DNHD1: variants seen among roughly 807,000 people sequenced by gnomAD.
The protein encoded by DNHD1 is dynein heavy chain domain 1, also known as dynein heavy chain domain-containing protein 1.
DNHD1 carries 383 observed loss-of-function variants against 458.1 expected under a neutral mutation model. The observed-to-expected ratio is 0.84, with a 90% CI of 0.77 to 0.91. The LOEUF (loss-of-function observed/expected upper bound fraction) is 0.91, where lower values mean the gene tolerates loss of function less well. Ranked by LOEUF, DNHD1 falls within the 40% of genes least tolerant of loss-of-function variation. The pLI, the probability that DNHD1 is intolerant of heterozygous loss-of-function variation, is 0.00. For synonymous variants in DNHD1, 2,203 were observed against 2,376.9 expected (o/e 0.93, Z 2.13); for missense variants, 5,336 against 5,866.1 (o/e 0.91, Z 2.95).
chr11:6,570,301 T>C lies in DNHD1; in HGVS notation c.13010T>C (p.Ile4337Thr), dbSNP rs757326497. The C allele has an allele frequency of 1.5e-5, 25 of 1,613,530 alleles. No homozygotes were observed. The African/African-American group carries it at 3.1e-4, about 20-fold the overall frequency. The change falls in exon 41 of 43, where the codon ATT (isoleucine) becomes ACT (threonine). Residue 4337 changes from isoleucine (I) to threonine (T), a missense_variant. Physicochemically the swap from Ile to Thr is moderately conservative, Grantham distance 89. Transcript: ENST00000254579. ...GACACTGAGGACAGGGAGGCCCTGA[T>C]TAGCCTCACACAAGCCTGCCTGAGC... Reference protein sequence around the residue: ...LGDTEDREALISLTQACLSPS... With the variant: ...LGDTEDREALTSLTQACLSPS...
chr11:6,537,658 C>A (rs1852984440), intron 14 of DNHD1, among the ~76,000 whole-genome samples: 1 of 152,128 alleles, frequency 6.6e-6, no homozygotes. Flanking sequence ...TCTGGCTAGG[C>A]GCAATGGCTC....
At chr11:6,566,841 T>C (rs1015665643) in intron 35 of DNHD1, 54 bp from the exon 36 acceptor site, 3 of 1,599,668 alleles carry the variant, frequency 1.9e-6, no homozygotes, top group African/African-American at 2.7e-5. Context: ...TGAATGTAGA[T>C]GTTTGGGGTC....
intron 7 of DNHD1, 137 bp downstream of exon 7, chr11:6,511,566 C>A: frequency 1.8e-6 from 2 of 1,141,198 alleles, no homozygotes; most frequent in East Asian, 2.4e-5. Context: ...CATTTTCCTG[C>A]CCAGCAACAG....
intron 3 of DNHD1, among the ~76,000 whole-genome samples, chr11:6,499,523 G>A (rs935460169): frequency 3.9e-5 from 6 of 152,012 alleles, no homozygotes; most frequent in Non-Finnish European, 8.8e-5. Context: ...GCCAGTGTGG[G>A]CACTCTGGCC....
chr11:6,555,835 C>A (rs1853451864), intron 24 of DNHD1, among the ~76,000 whole-genome samples: 2 of 152,130 alleles, frequency 1.3e-5, no homozygotes, highest in Admixed American at 1.3e-4. Context: ...GCATGAGGAA[C>A]TTTCTAGGGT....
Position 6,570,991 on chromosome 11 carries a change from C to T in DNHD1, c.13479C>T (p.Ser4493=). 4 of 1,601,794 alleles carry T rather than the reference C, an allele frequency of 2.5e-6. No individual in the cohort carries two copies. Among genetic ancestry groups the T allele is most frequent in the Non-Finnish European group, 2.6e-6 (3 of 1,171,104 alleles). ...TAGAGACCGAGGCTCTAGAACTGAG[C>T]CAGTTGGTGGGCACGCTACAACGCG... ...GVLETEALEL[S]QLVGTLQRDL... is the part of the protein sequence containing the mutation. Residue 4493 remains serine (S), a synonymous_variant, in exon 42 of 43, where the codon AGC becomes AGT. Transcript: ENST00000254579.
At position 6,567,053 on chromosome 11, in the gene DNHD1, A is replaced by C; in HGVS notation, c.11544A>C (p.Ala3848=). Residue 3848 remains alanine (A), a synonymous_variant, in exon 36 of 43, where the codon GCA becomes GCC. Transcript: ENST00000254579. ...AACTACAGGAGATGGTATTGTGGGC[A>C]CCCTATCGACCTGTGGTTTGGCATG... ...GQKLQEMVLW[A]PYRPVVWHGM... is the part of the protein sequence containing the mutation. 6.2e-7 allele frequency: 1 copy of C among 1,613,994 alleles called. No homozygotes were observed. The highest frequency in any genetic ancestry group is 8.5e-7 in the Non-Finnish European group (1 of 1,179,890).
In DNHD1 at chr11:6,539,894, G is replaced by T; in HGVS notation, c.3439G>T (p.Glu1147Ter). The T allele has an allele frequency of 6.4e-7, 1 of 1,551,732 alleles. No homozygotes were observed. Residue 1147 changes from glutamate to a stop codon, truncating the protein, a stop_gained, in exon 18 of 43, where the codon GAA becomes TAA. Transcript: ENST00000254579. LOFTEE classifies it high-confidence loss of function. ...RINQVWQNEN[E>*]RIHAQETIRR... ...GTTCCAGGTCTGGCAGAATGAAAAT[G>T]AACGAATTCATGCCCAAGAGACTAT...
At position 6,545,148 on chromosome 11, in the gene DNHD1, G is replaced by A. The variant is rs571160021; in HGVS notation, c.4209G>A (p.Glu1403=). 131 of 1,552,158 alleles carry A rather than the reference G, an allele frequency of 8.4e-5. No individual in the cohort carries two copies. The highest frequency in any genetic ancestry group is 3.3e-4 in the Middle Eastern group (2 of 5,998). The part of the protein sequence containing the change: ...AVSFRSCPTG[E]KNTDDWESSP... ...GCTTCAGGTCTTGCCCAACTGGTGA[G>A]AAAAACACAGATGACTGGGAGTCAA... Residue 1403 remains glutamate, a synonymous_variant, in exon 21 of 43, where the codon GAG becomes GAA. Transcript: ENST00000254579. This position sits in a 1 kb window ranked among gnomAD's most constrained non-coding sequence, Gnocchi z 4.9.
chr11:6,555,287 GA>G (rs1160673087), intron 24 of DNHD1, among the ~76,000 whole-genome samples: 1 of 151,942 alleles, frequency 6.6e-6, no homozygotes, highest in Admixed American at 6.6e-5. Context: ...CATGAGGATG[GA>G]GGACTGATCT....
chr11:6,522,780 C>T lies in DNHD1; in HGVS notation c.1837+2491C>T, dbSNP rs527316989. Among the ~76,000 whole-genome samples, 5 of 152,132 alleles carry T rather than the reference C, an allele frequency of 3.3e-5. No homozygotes were observed. The South Asian group carries it at 1.0e-3, about 32-fold the overall frequency. On this transcript the variant is annotated intron_variant, in intron 10 of 42. Transcript: ENST00000254579. ...CTAAATTACAAAATAATTTCAATAG[C>T]CCCACTTACACACAAAAGTATGAAA...
chr11:6,526,383 A>G (rs989505261), intron 10 of DNHD1, among the ~76,000 whole-genome samples: 4 of 151,892 alleles, frequency 2.6e-5, no homozygotes, highest in Non-Finnish European at 5.9e-5. Context: ...GAAATAGGCT[A>G]TAGTTTTGCT....
chr11:6,553,310 A>G (rs577708035), intron 24 of DNHD1, among the ~76,000 whole-genome samples: 11 of 152,334 alleles, frequency 7.2e-5, no homozygotes, highest in Non-Finnish European at 1.3e-4. Flanking sequence ...ACACTATTCC[A>G]TAACTCCCAG....
In DNHD1 at chr11:6,505,258, T is replaced by A. The variant is rs56140952; in HGVS notation, c.920+2332T>A. On this transcript the variant is annotated intron_variant, in intron 4 of 42. Transcript: ENST00000254579. The surrounding 1 kb of genome is among the most constrained non-coding windows in gnomAD (Gnocchi z 4.4). Reference sequence around the variant, plus strand: ...GTTTTTTATTTTTATTTTTATTATTTTTTTTTAAGATGGAGTCTCACTCTG... The same window carrying A: ...GTTTTTTATTTTTATTTTTATTATTATTTTTTAAGATGGAGTCTCACTCTG... Among the ~76,000 whole-genome samples the A allele has an allele frequency of 0.13, 20,343 of 152,056 alleles. 1,660 individuals are homozygous for A. The highest frequency in any genetic ancestry group is 0.18 in the Non-Finnish European group (12,516 of 67,972).
At chr11:6,556,567 A>G (rs957917933) in intron 24 of DNHD1, 116 bp from the exon 25 acceptor site, 1 of 1,028,452 alleles carries the variant, frequency 9.7e-7, no homozygotes, top group East Asian at 2.6e-5. Context: ...CCAAGTCCCA[A>G]CACGTCAGAT....
rs375582224 is a variant in DNHD1, at chr11:6,568,771, A to G, written c.12768A>G (p.Gln4256=). 1 of 1,612,942 alleles carries G rather than the reference A, an allele frequency of 6.2e-7. No homozygotes were observed. Among genetic ancestry groups the G allele is most frequent in the Non-Finnish European group, 8.5e-7 (1 of 1,179,612 alleles). ...VELAQQVLYM[Q]PPTQALPLLL... ...TAGCCCAGCAAGTACTCTACATGCA[A>G]CCCCCCACCCAGGCACTACCTCTGC... is the stretch of plus-strand genomic sequence containing the variant. Residue 4256 remains glutamine, a synonymous_variant, in exon 39 of 43, where the codon CAA becomes CAG. Transcript: ENST00000254579.
rs180925806 is a variant in DNHD1 at position 6,520,291 on chromosome 11, T to C, written c.1837+2T>C. On this transcript the variant is annotated splice_donor_variant, in intron 10 of 42. Coordinates refer to ENST00000254579, the MANE Select transcript of DNHD1 (RefSeq NM_144666.3). LOFTEE classifies it high-confidence loss of function. ...CCTCGGATTCCCTGTATTCTGAAGGTATTTAGGGAGACCTAGGCAGGGGGT... is the reference window on the plus strand; with the variant it reads ...CCTCGGATTCCCTGTATTCTGAAGGCATTTAGGGAGACCTAGGCAGGGGGT... 69 of 1,551,706 alleles carry C rather than the reference T, an allele frequency of 4.4e-5. 1 individual carries two copies. In the African/African-American group the frequency reaches 6.8e-4, roughly 15 times the overall value.
chr11:6,525,543 T>A (rs1852693475), intron 10 of DNHD1, among the ~76,000 whole-genome samples: 1 of 152,274 alleles, frequency 6.6e-6, no homozygotes, highest in Non-Finnish European at 1.5e-5. Flanking sequence ...GTTCTGTAAG[T>A]AACAATATCT....
intron 7 of DNHD1, among the ~76,000 whole-genome samples, chr11:6,512,763 T>G (rs1453959978): frequency 6.6e-6 from 1 of 152,172 alleles, no homozygotes; most frequent in Non-Finnish European, 1.5e-5. Context: ...TAATGTCTCA[T>G]GATAGGTTGT....
Sources: allele counts gnomAD v4.1 joint callset (sites outside exome capture counted in the v4.1 genomes callset), GRCh38; gene constraint gnomAD v4.1.1; non-coding constraint Gnocchi (gnomAD v3.1); transcripts MANE v1.5; gene names NCBI Gene and HGNC (gene_info 2026-07-23, HGNC 2026-07-21).